Variants in TRPM3 observed in about 807,000 individuals in gnomAD.
TRPM3 encodes the protein transient receptor potential cation channel subfamily M member 3, also known as long transient receptor potential channel 3.
TRPM3 carries 77 observed loss-of-function variants against 181.2 expected under a neutral mutation model. That is an observed-to-expected ratio of 0.42 (90% CI 0.35 to 0.51). The LOEUF (loss-of-function observed/expected upper bound fraction) is 0.51. Ranked by LOEUF, TRPM3 falls within the 20% of genes least tolerant of loss-of-function variation. The pLI, the probability that TRPM3 is intolerant of heterozygous loss-of-function variation, is 0.01. For missense variants in TRPM3, 1,759 were observed against 2,196.7 expected, an observed-to-expected ratio of 0.80 and a Z score of 3.98; for synonymous variants, 745 against 796.4, an observed-to-expected ratio of 0.94 and a Z score of 1.09.
At chr9:71,175,488 T>A (rs1219934453) in intron 1 of TRPM3, among the ~76,000 whole-genome samples, 2 of 152,138 alleles carry the variant, frequency 1.3e-5, no homozygotes, top group Non-Finnish European at 2.9e-5. Context: ...GGGATGTGTG[T>A]GATAGCCAAA....
chr9:71,383,692 G>T (rs1206383694), intron 1 of TRPM3, among the ~76,000 whole-genome samples: 1 of 152,080 alleles, frequency 6.6e-6, no homozygotes, highest in African/African-American at 2.4e-5. Flanking sequence ...CCTGCTTATA[G>T]TTTTGTAAGT....
At chr9:70,892,069 G>A (rs77417776) in intron 1 of TRPM3, among the ~76,000 whole-genome samples, 9,888 of 152,182 alleles carry the variant, frequency 0.065, 359 homozygotes, top group South Asian at 0.086. Flanking sequence ...GAGCAGGAGG[G>A]ATTTACGAGG....
chr9:71,417,913 A>G (rs1588936132), intron 1 of TRPM3, among the ~76,000 whole-genome samples: 1 of 151,916 alleles, frequency 6.6e-6, no homozygotes, highest in Non-Finnish European at 1.5e-5. Flanking sequence ...CTCGCAAAAC[A>G]CCTGATGGAA....
At chr9:70,818,908 C>T (rs191578142) in intron 6 of TRPM3, among the ~76,000 whole-genome samples, 20 of 152,232 alleles carry the variant, frequency 1.3e-4, no homozygotes, top group Admixed American at 9.2e-4. Context: ...GGCTGATGTC[C>T]GGCTTGCTGT....
intron 1 of TRPM3, among the ~76,000 whole-genome samples, chr9:71,300,941 T>C (rs954293453): frequency 2.6e-5 from 4 of 152,140 alleles, no homozygotes; most frequent in Non-Finnish European, 5.9e-5. Flanking sequence ...TGAAATTTGA[T>C]TCAGTGTGAT....
At chr9:71,393,578 A>T (rs923590309) in intron 1 of TRPM3, among the ~76,000 whole-genome samples, 1 of 152,214 alleles carries the variant, frequency 6.6e-6, no homozygotes, top group African/African-American at 2.4e-5. Context: ...ATTGTGAACC[A>T]AGCCAGTCGT....
At chr9:70,801,501 T>C in intron 6 of TRPM3, among the ~76,000 whole-genome samples, 1 of 152,154 alleles carries the variant, frequency 6.6e-6, no homozygotes, top group South Asian at 2.1e-4. Flanking sequence ...GGGGAAAATA[T>C]AAATTAATTC....
intron 1 of TRPM3, among the ~76,000 whole-genome samples, chr9:71,157,481 T>G (rs953762306): frequency 3.3e-5 from 5 of 152,146 alleles, no homozygotes; most frequent in African/African-American, 1.2e-4. Flanking sequence ...ATTTGTCCAG[T>G]GCGTGCCTCT....
chr9:71,247,794 TATC>T (rs766259755), intron 1 of TRPM3, among the ~76,000 whole-genome samples: 67 of 152,140 alleles, frequency 4.4e-4, no homozygotes, highest in Non-Finnish European at 6.3e-4. Context: ...GGTCTAGAAT[TATC>T]ATCCCAGGCA....
Position 70,784,171 on chromosome 9 carries a change from A to ACTCC in TRPM3, c.1081_1082insGGAG (p.Val361GlyfsTer4). On this transcript the variant is annotated frameshift_variant, in exon 7 of 26. Transcript: ENST00000677713. LOFTEE classifies it high-confidence loss of function. ...CGATGCCCGTCCACTCCCATCACAG[A>ACTCC]CAACCACTGGCACGGGAGGGGTGTC... 6.2e-7 allele frequency: 1 copy of ACTCC among 1,613,836 alleles called. No homozygotes were observed. Among genetic ancestry groups the ACTCC allele is most frequent in the Non-Finnish European group, 8.5e-7 (1 of 1,179,834 alleles).
chr9:71,141,168 C>T (rs993288929), intron 1 of TRPM3, among the ~76,000 whole-genome samples: 1 of 152,164 alleles, frequency 6.6e-6, no homozygotes, highest in Non-Finnish European at 1.5e-5. Flanking sequence ...TGACTCTTCA[C>T]ATGTTTTAAA....
intron 1 of TRPM3, among the ~76,000 whole-genome samples, chr9:71,246,434 G>A (rs957251266): frequency 6.6e-6 from 1 of 151,688 alleles, no homozygotes; most frequent in East Asian, 1.9e-4. Context: ...ATTATTTAAG[G>A]TGTGTCCCCT....
chr9:70,841,432 T>G (rs1308687917), intron 5 of TRPM3, among the ~76,000 whole-genome samples: 1 of 151,650 alleles, frequency 6.6e-6, no homozygotes, highest in Non-Finnish European at 1.5e-5. Flanking sequence ...ATCATTGATG[T>G]GGACACTTGT....
intron 3 of TRPM3, among the ~76,000 whole-genome samples, chr9:70,853,455 C>A (rs1440717745): frequency 6.6e-6 from 1 of 152,180 alleles, no homozygotes; most frequent in East Asian, 1.9e-4. Context: ...ATAACTTTTC[C>A]CCAGACCAAA....
upstream of TRPM3, chr9:71,121,670 G>T (rs956931209): frequency 9.9e-6 from 11 of 1,111,128 alleles, no homozygotes; most frequent in Non-Finnish European, 1.1e-5. Flanking sequence ...GTCAGGCGTT[G>T]GGGGGGAACC....
chr9:71,276,007 A>C (rs79410298), intron 1 of TRPM3, among the ~76,000 whole-genome samples: 2,778 of 152,062 alleles, frequency 0.018, 91 homozygotes, highest in African/African-American at 0.063. Flanking sequence ...ACACCCGGCT[A>C]ATTTTTTCTA....
chr9:70,687,374 AT>A (rs1341785314), intron 8 of TRPM3, among the ~76,000 whole-genome samples: 3 of 152,174 alleles, frequency 2.0e-5, no homozygotes, highest in African/African-American at 7.2e-5. Context: ...TAACTTAATC[AT>A]TTTGTAGGTG....
chr9:71,392,811 A>C lies in TRPM3; in HGVS notation c.183+53842T>G, dbSNP rs1023541438. ...CTATACAGCATGGAGAATGGCATTT[A>C]AGATATTCTAGTTGAATAATTATTC... On this transcript the variant is annotated intron_variant, in intron 1 of 24. Coordinates refer to the TRPM3 transcript ENST00000357533. Among the ~76,000 whole-genome samples, 52 of 152,248 alleles carry C rather than the reference A, an allele frequency of 3.4e-4. 1 individual carries two copies. Among genetic ancestry groups the C allele is most frequent in the Non-Finnish European group, 7.4e-5 (5 of 68,014 alleles).
chr9:70,945,169 G>A (rs766448424), intron 1 of TRPM3, among the ~76,000 whole-genome samples: 2 of 152,164 alleles, frequency 1.3e-5, no homozygotes, highest in African/African-American at 4.8e-5. Flanking sequence ...AGGCACAGGA[G>A]ATTCTAACTT....
Sources: allele counts gnomAD v4.1 joint callset (sites outside exome capture counted in the v4.1 genomes callset), GRCh38; gene constraint gnomAD v4.1.1; transcripts MANE v1.5; gene names NCBI Gene and HGNC (gene_info 2026-07-23, HGNC 2026-07-21).